The following PCCB variants were observed in gnomAD, a reference collection of about 807,000 sequenced individuals.
PCCB encodes the protein propionyl-CoA carboxylase beta chain, mitochondrial.
Under a neutral mutation model 60.7 loss-of-function variants are expected in PCCB, and 43 were observed. The observed-to-expected ratio is 0.71, with a 90% CI of 0.55 to 0.91. The LOEUF is 0.91. Ranked by LOEUF, PCCB falls within the 40% of genes least tolerant of loss-of-function variation. The pLI, the probability that PCCB is intolerant of heterozygous loss-of-function variation, is 0.00. For missense variants in PCCB, 766 were observed against 702.8 expected, an observed-to-expected ratio of 1.09 and a Z score of -1.02; for synonymous variants, 276 against 255.9, an observed-to-expected ratio of 1.08 and a Z score of -0.75.
At chr3:136,318,425 T>C (rs1029051105) in intron 10 of PCCB, among the ~76,000 whole-genome samples, 1 of 152,138 alleles carries the variant, frequency 6.6e-6, no homozygotes, top group African/African-American at 2.4e-5. Context: ...TATAACAAAA[T>C]ATGTCTGTTT....
At chr3:136,277,630 T>C (rs940946994) in intron 5 of PCCB, among the ~76,000 whole-genome samples, 27 of 152,074 alleles carry the variant, frequency 1.8e-4, no homozygotes, top group Non-Finnish European at 3.1e-4. Flanking sequence ...CTCAGGTCAT[T>C]AGGGTAATGT....
chr3:136,289,729 T>C (rs779006491), intron 6 of PCCB, among the ~76,000 whole-genome samples: 1 of 152,058 alleles, frequency 6.6e-6, no homozygotes, highest in Non-Finnish European at 1.5e-5. Context: ...TTTCTGCCTT[T>C]TGTGATTTTA....
intron 1 of PCCB, 70 bp downstream of exon 1, chr3:136,250,628 C>A: frequency 1.4e-6 from 2 of 1,476,114 alleles, no homozygotes; most frequent in Non-Finnish European, 9.1e-7. Flanking sequence ...GCCCGGCTTG[C>A]GGCGTCCGAG....
intron 5 of PCCB, among the ~76,000 whole-genome samples, chr3:136,271,677 A>G (rs1942206155): frequency 6.6e-6 from 1 of 152,206 alleles, no homozygotes; most frequent in Non-Finnish European, 1.5e-5. Context: ...GTTGGTGTAT[A>G]GCAGAGCTAT....
intron 5 of PCCB, among the ~76,000 whole-genome samples, chr3:136,270,960 C>T (rs1203587311): frequency 1.3e-5 from 2 of 152,076 alleles, no homozygotes; most frequent in African/African-American, 4.8e-5. Context: ...TATTCATGTC[C>T]TTTGCCTACT....
At chr3:136,329,813 C>A in intron 14 of PCCB, 92 bp from the exon 15 acceptor site, 2 of 1,410,324 alleles carry the variant, frequency 1.4e-6, no homozygotes, top group Non-Finnish European at 1.0e-6. Context: ...ATACTGCTGG[C>A]CCCAGGGATG....
intron 5 of PCCB, among the ~76,000 whole-genome samples, chr3:136,270,502 G>T (rs1942166960): frequency 6.6e-6 from 1 of 150,610 alleles, no homozygotes; most frequent in African/African-American, 2.4e-5. Flanking sequence ...GTTGTTTTTT[G>T]ACATTTTTTT....
rs991870747 is a variant in PCCB at position 136,262,063 on chromosome 3, C to G, written c.541C>G (p.Leu181Val). ...ESLAGYADIF[L>V]RNVTASGVIP... ...TTTGGCTGGCTATGCAGACATCTTT[C>G]TGGTGAGAAACCTGTTAATAGAGAA... Residue 181 changes from leucine to valine, a missense_variant and splice_region_variant, in exon 5 of 15, where the codon CTG becomes GTG. Leu to Val is a conservative substitution (Grantham distance 32). Coordinates refer to ENST00000251654, the MANE Select transcript of PCCB (RefSeq NM_000532.5). The G allele has an allele frequency of 6.5e-7, 1 of 1,536,458 alleles. No individual in the cohort carries two copies. The highest frequency in any genetic ancestry group is 2.4e-5 in the East Asian group (1 of 41,362).
At chr3:136,273,136 T>C (rs1357518228) in intron 5 of PCCB, among the ~76,000 whole-genome samples, 1 of 152,218 alleles carries the variant, frequency 6.6e-6, no homozygotes, top group East Asian at 1.9e-4. Flanking sequence ...AGCATTTCTT[T>C]TGGAGTTGTT....
chr3:136,320,730 A>G (rs1935079344), intron 10 of PCCB, among the ~76,000 whole-genome samples: 1 of 152,148 alleles, frequency 6.6e-6, no homozygotes, highest in Admixed American at 6.5e-5. Flanking sequence ...CCTCTTGTGG[A>G]TTTGCTGGGA....
At chr3:136,252,556 C>T (rs2108131268) in intron 1 of PCCB, among the ~76,000 whole-genome samples, 1 of 149,302 alleles carries the variant, frequency 6.7e-6, no homozygotes, top group East Asian at 2.0e-4. Context: ...GAGACAGGGT[C>T]TTACTCTGTC....
rs770141659 is a variant in PCCB, at chr3:136,283,959, G to T, written c.654+12G>T. ...CGTTCATGGTAAAGGTAAGAAAGAA[G>T]GGCCTGTTTTTGGTGCCGTTTGAGA... On this transcript the variant is annotated intron_variant, in intron 6 of 14. Coordinates refer to ENST00000251654, the MANE Select transcript of PCCB (RefSeq NM_000532.5). The T allele has an allele frequency of 2.4e-5, 37 of 1,550,370 alleles. No homozygotes were observed. In the South Asian group the frequency reaches 3.7e-4, roughly 15 times the overall value.
At chr3:136,320,651 C>T (rs181861966) in intron 10 of PCCB, among the ~76,000 whole-genome samples, 2 of 152,116 alleles carry the variant, frequency 1.3e-5, no homozygotes, top group East Asian at 1.9e-4. Context: ...GGTATTTTCA[C>T]CTTTTAGTTG....
intron 5 of PCCB, among the ~76,000 whole-genome samples, chr3:136,272,875 T>C (rs772592260): frequency 6.6e-6 from 1 of 152,174 alleles, no homozygotes; most frequent in Non-Finnish European, 1.5e-5. Flanking sequence ...GTTTAGTTCG[T>C]ACCTGTTTCT....
intron 2 of PCCB, chr3:136,256,313 C>T: frequency 1.7e-6 from 1 of 581,890 alleles, no homozygotes; most frequent in South Asian, 2.0e-5. Flanking sequence ...GATTGTTTTG[C>T]TTTTAGGAGG....
At chr3:136,316,313 A>T (rs1350388443) in intron 9 of PCCB, among the ~76,000 whole-genome samples, 4 of 151,586 alleles carry the variant, frequency 2.6e-5, no homozygotes, top group African/African-American at 9.7e-5. Flanking sequence ...TGAATTTTTT[A>T]TTTTTATTTA....
chr3:136,269,907 A>AG (rs1942143482), intron 5 of PCCB, among the ~76,000 whole-genome samples: 1 of 148,886 alleles, frequency 6.7e-6, no homozygotes, highest in Non-Finnish European at 1.5e-5. Context: ...AAAAAAAAAA[A>AG]TAAGAGTGGA....
At chr3:136,300,348 C>G (rs896012805) in intron 8 of PCCB, among the ~76,000 whole-genome samples, 16 of 152,176 alleles carry the variant, frequency 1.1e-4, no homozygotes, top group African/African-American at 3.6e-4. Flanking sequence ...TAGCCCCTGG[C>G]TGCCCACACT....
At chr3:136,275,543 C>T (rs557754670) in intron 5 of PCCB, among the ~76,000 whole-genome samples, 5 of 151,904 alleles carry the variant, frequency 3.3e-5, no homozygotes, top group South Asian at 2.1e-4. Context: ...GGTTCTTTCT[C>T]GTTTGTGTAG....
Sources: allele counts gnomAD v4.1 joint callset (sites outside exome capture counted in the v4.1 genomes callset), GRCh38; gene constraint gnomAD v4.1.1; transcripts MANE v1.5; gene names NCBI Gene and HGNC (gene_info 2026-07-23, HGNC 2026-07-21).